Variants in SOX7 observed in about 807,000 individuals in gnomAD.
SOX7 encodes SRY-box transcription factor 7.
A neutral mutation model predicts 24.9 loss-of-function variants in SOX7; 19 were observed. That is an observed-to-expected ratio of 0.76 (90% confidence interval 0.53 to 1.12). The LOEUF is 1.12. Among genes scored for constraint, SOX7 ranks in the 50% most tolerant of loss-of-function variants. SOX7 has a pLI of 0.00. For synonymous variants in SOX7, 327 were observed against 244.5 expected (o/e 1.34, Z -3.15); for missense variants, 702 against 535.0 (o/e 1.31, Z -3.08).
Position 10,726,310 on chromosome 8 carries a change from A to C in SOX7, c.595T>G (p.Tyr199Asp). ...GTPSSVDTYP[Y>D]GLPTPPEMSP... ...ATTTCAGGAGGTGTGGGCAGCCCGTACGGGTACGTGTCCACACTGCTCGGG... is the reference window on the plus strand; with the variant it reads ...ATTTCAGGAGGTGTGGGCAGCCCGTCCGGGTACGTGTCCACACTGCTCGGG... Residue 199 changes from tyrosine (Y) to aspartate (D), a missense_variant, in exon 2 of 2, where the codon TAC becomes GAC. Tyr to Asp is a radical substitution (Grantham distance 160). Coordinates refer to ENST00000304501, the MANE Select transcript of SOX7 (RefSeq NM_031439.4). 1 of 1,613,652 alleles carries C rather than the reference A, an allele frequency of 6.2e-7. No homozygotes were observed. The highest frequency in any genetic ancestry group is 8.5e-7 in the Non-Finnish European group (1 of 1,179,932).
At position 10,726,223 on chromosome 8, in the gene SOX7, GCTC is replaced by G; in HGVS notation, c.679_681del (p.Glu227del). 6.2e-7 allele frequency: 1 copy of G among 1,613,030 alleles called. No individual in the cohort carries two copies. Among genetic ancestry groups the G allele is most frequent in the Non-Finnish European group, 8.5e-7 (1 of 1,179,422 alleles). ...TGGGGGATGCGGCGGGGATGGCCAT[GCTC>G]CTCCTGGCAGGGGGAGGAGAAGAAG... On this transcript the variant is annotated inframe_deletion, in exon 2 of 2. Coordinates refer to ENST00000304501, the MANE Select transcript of SOX7 (RefSeq NM_031439.4).
In SOX7 at chr8:10,725,502, T is replaced by TCA. The variant is rs1361830981; in HGVS notation, c.*234_*235dup. 7 of 565,554 alleles carry TCA rather than the reference T, an allele frequency of 1.2e-5. No homozygotes were observed. The highest frequency in any genetic ancestry group is 1.9e-5 in the African/African-American group (1 of 53,042). 35.0% of individuals were successfully genotyped at this position (565,554 alleles called of 1,614,324 possible). A position where few individuals can be genotyped will look rare whatever the true frequency, so the allele number is the denominator to read the frequency against. ...CAACTCTCAGGGGCTGGAGGAAAAC[T>TCA]CACTTGAAGGAATATACTTAAAATG... On this transcript the variant is annotated 3_prime_UTR_variant, in exon 2 of 2. Coordinates refer to ENST00000304501, the MANE Select transcript of SOX7 (RefSeq NM_031439.4).
intron 1 of SOX7, among the ~76,000 whole-genome samples, chr8:10,727,569 A>G (rs1008908010): frequency 1.3e-5 from 2 of 152,230 alleles, no homozygotes; most frequent in African/African-American, 4.8e-5. Context: ...TGGTGCTAAT[A>G]TGCTGGCTGC....
At position 10,726,540 on chromosome 8, in the gene SOX7, G is replaced by A; in HGVS notation, c.365C>T (p.Ala122Val). ...YKYRPRRKKQ[A>V]KRLCKRVDPG... ...GTCCACGCGCTTGCACAGCCGCTTG[G>A]CCTGCTTCTTCCTGCGCGGCCGGTA... The change falls in exon 2 of 2, where the codon GCC becomes GTC. Residue 122 changes from alanine (A) to valine (V), a missense_variant. Transcript: ENST00000304501. 6 of 1,612,454 alleles carry A rather than the reference G, an allele frequency of 3.7e-6. No individual in the cohort carries two copies. The highest frequency in any genetic ancestry group is 5.1e-6 in the Non-Finnish European group (6 of 1,179,962).
rs1332969214 is a variant in SOX7, at chr8:10,726,434, C to T, written c.471G>A (p.Gly157=). 4.3e-6 allele frequency: 7 copies of T among 1,612,100 alleles called. No individual in the cohort carries two copies. Among genetic ancestry groups the T allele is most frequent in the Admixed American group, 1.7e-5 (1 of 59,970 alleles). The change falls in exon 2 of 2, where the codon GGG becomes GGA. Residue 157 remains glycine, a synonymous_variant. Coordinates refer to ENST00000304501, the MANE Select transcript of SOX7 (RefSeq NM_031439.4). ...EKRSGSRGAL[G]EKEDRGEYSP... ...AGTACTCACCCCTGTCCTCCTTCTC[C>T]CCCAGCGCCCCCCGGCTGCCGCTTC...
At position 10,726,467 on chromosome 8, in the gene SOX7, C is replaced by T. The variant is rs745814540; in HGVS notation, c.438G>A (p.Pro146=). The T allele has an allele frequency of 7.4e-6, 12 of 1,612,204 alleles. No homozygotes were observed. Among genetic ancestry groups the T allele is most frequent in the South Asian group, 4.4e-5 (4 of 91,072 alleles). ...SSLSRDQNAL[P]EKRSGSRGAL... is the part of the protein sequence containing the mutation. ...CCCCCCGGCTGCCGCTTCTCTTCTCCGGCAGGGCGTTCTGGTCCCGGGAGA... is the reference window on the plus strand; with the variant it reads ...CCCCCCGGCTGCCGCTTCTCTTCTCTGGCAGGGCGTTCTGGTCCCGGGAGA... Residue 146 remains proline (P), a synonymous_variant, in exon 2 of 2, where the codon CCG becomes CCA. Coordinates refer to ENST00000304501, the MANE Select transcript of SOX7 (RefSeq NM_031439.4).
rs960786581 is a variant in SOX7 at position 10,724,274 on chromosome 8, C to G, written c.*1464G>C. On this transcript the variant is annotated 3_prime_UTR_variant, in exon 2 of 2. Coordinates refer to ENST00000304501, the MANE Select transcript of SOX7 (RefSeq NM_031439.4). Reference sequence around the variant, plus strand: ...GGAATCACAGTGAGTTTCTGATTTGCGGGAAGTTGCTCTAAAGCACTGGCT... The same window carrying G: ...GGAATCACAGTGAGTTTCTGATTTGGGGGAAGTTGCTCTAAAGCACTGGCT... 1 of 152,084 alleles carries G rather than the reference C, an allele frequency of 6.6e-6. No individual in the cohort carries two copies. The highest frequency in any genetic ancestry group is 1.5e-5 in the Non-Finnish European group (1 of 68,022). The allele number at this position is 152,084 out of a possible 1,614,324, so 9.4% of individuals were successfully genotyped here. A position where few individuals can be genotyped will look rare whatever the true frequency, so the allele number is the denominator to read the frequency against.
Position 10,724,243 on chromosome 8 carries a change from A to G in SOX7, c.*1495T>C, listed in dbSNP as rs1800098974. 6.6e-6 allele frequency: 1 copy of G among 152,190 alleles called. No individual in the cohort carries two copies. 9.4% of individuals were successfully genotyped at this position (152,190 alleles called of 1,614,324 possible). On this transcript the variant is annotated 3_prime_UTR_variant, in exon 2 of 2. Coordinates refer to ENST00000304501, the MANE Select transcript of SOX7 (RefSeq NM_031439.4). ...GGGCAGGGGTCCAGGGCTCAGAAAC[A>G]TTTTTGGAATCACAGTGAGTTTCTG...
rs1200875739 is a variant in SOX7, at chr8:10,725,294, C to G, written c.*444G>C. 1 of 183,802 alleles carries G rather than the reference C, an allele frequency of 5.4e-6. No individual in the cohort carries two copies. Among genetic ancestry groups the G allele is most frequent in the Non-Finnish European group, 1.1e-5 (1 of 87,232 alleles). 11.4% of individuals were successfully genotyped at this position (183,802 alleles called of 1,614,324 possible). The stretch of plus-strand genomic sequence containing the variant: ...TGGGCTGTGCACACAAAATTATCAC[C>G]AGATCGTAGGTTAGCGAGCTCATTA... On this transcript the variant is annotated 3_prime_UTR_variant, in exon 2 of 2. Coordinates refer to ENST00000304501, the MANE Select transcript of SOX7 (RefSeq NM_031439.4).
Position 10,726,068 on chromosome 8 carries a change from T to C in SOX7, c.837A>G (p.Pro279=), listed in dbSNP as rs1279183130. The part of the protein sequence containing the change: ...SMMSPVPGCP[P]SPAYYSPATY... ...TGGCCGGGGAGTAATAGGCAGGAGA[T>C]GGGGGACAGCCGGGTACAGGGGACA... is the stretch of plus-strand genomic sequence containing the variant. Residue 279 remains proline (P), a synonymous_variant, in exon 2 of 2, where the codon CCA becomes CCG. Coordinates refer to ENST00000304501, the MANE Select transcript of SOX7 (RefSeq NM_031439.4). 7 of 1,561,956 alleles carry C rather than the reference T, an allele frequency of 4.5e-6. No homozygotes were observed. The East Asian group carries it at 6.8e-5, about 15-fold the overall frequency.
intron 1 of SOX7, 70 bp from the exon 2 acceptor site, chr8:10,726,736 GCACA>G: frequency 1.4e-5 from 20 of 1,379,826 alleles, no homozygotes; most frequent in Non-Finnish European, 1.9e-5. Context: ...GCACACGCGT[GCACA>G]CACACGTGCA....
In SOX7 at chr8:10,726,670, C is replaced by A. The variant is rs756817133; in HGVS notation, c.239-4G>T. Reference sequence around the variant, plus strand: ...GTCAGCGCCTTCCACGACTTTCCTGCTCACACAAGGCAGAGGAGGCCATGC... The same window carrying A: ...GTCAGCGCCTTCCACGACTTTCCTGATCACACAAGGCAGAGGAGGCCATGC... On this transcript the variant is annotated splice_region_variant and splice_polypyrimidine_tract_variant and intron_variant, in intron 1 of 1. Transcript: ENST00000304501. 2 of 1,561,360 alleles carry A rather than the reference C, an allele frequency of 1.3e-6. No individual in the cohort carries two copies. Among genetic ancestry groups the A allele is most frequent in the Admixed American group, 1.8e-5 (1 of 56,230 alleles).
chr8:10,726,447 C>G lies in SOX7; in HGVS notation c.458G>C (p.Arg153Pro). Residue 153 changes from arginine (R) to proline (P), a missense_variant, in exon 2 of 2, where the codon CGG becomes CCG. Arg to Pro is a moderately radical substitution (Grantham distance 103, BLOSUM62 -2). Coordinates refer to ENST00000304501, the MANE Select transcript of SOX7 (RefSeq NM_031439.4). ...GTCCTCCTTCTCCCCCAGCGCCCCC[C>G]GGCTGCCGCTTCTCTTCTCCGGCAG... The part of the protein sequence containing the change: ...NALPEKRSGS[R>P]GALGEKEDRG... 1 of 1,612,146 alleles carries G rather than the reference C, an allele frequency of 6.2e-7. No individual in the cohort carries two copies. Among genetic ancestry groups the G allele is most frequent in the South Asian group, 1.1e-5 (1 of 91,034 alleles).
At chr8:10,729,641 T>C (rs1236317033) in intron 1 of SOX7, 2 of 152,228 alleles carry the variant, frequency 1.3e-5, no homozygotes, top group Non-Finnish European at 2.9e-5. Context: ...GTAAGCTTTT[T>C]CTTTTGTTTT....
chr8:10,730,484 G>C lies in SOX7; in HGVS notation c.-51C>G. ...GCCTGGCGGGGCAGGCGCGGACCTG[G>C]CCCTCGCACGGGTCGGGGCGTCCAA... On this transcript the variant is annotated 5_prime_UTR_variant, in exon 1 of 2. Coordinates refer to ENST00000304501, the MANE Select transcript of SOX7 (RefSeq NM_031439.4). The surrounding 1 kb of genome is among the most constrained non-coding windows in gnomAD (Gnocchi z 4.8). 7 of 1,298,020 alleles carry C rather than the reference G, an allele frequency of 5.4e-6. No individual in the cohort carries two copies. The highest frequency in any genetic ancestry group is 7.0e-6 in the Non-Finnish European group (7 of 997,814). 80.4% of individuals were successfully genotyped at this position (1,298,020 alleles called of 1,614,324 possible).
In SOX7 at chr8:10,724,580, C is replaced by T. The variant is rs1226845969; in HGVS notation, c.*1158G>A. 1 of 152,074 alleles carries T rather than the reference C, an allele frequency of 6.6e-6. No homozygotes were observed. Among genetic ancestry groups the T allele is most frequent in the Non-Finnish European group, 1.5e-5 (1 of 68,018 alleles). 9.4% of individuals were successfully genotyped at this position (152,074 alleles called of 1,614,324 possible). ...CAAAGTCCTTTTAGGTACCCTGGGTCTTTGGTCATTAGAAACAGGGAGTTG... is the reference window on the plus strand; with the variant it reads ...CAAAGTCCTTTTAGGTACCCTGGGTTTTTGGTCATTAGAAACAGGGAGTTG... On this transcript the variant is annotated 3_prime_UTR_variant, in exon 2 of 2. Coordinates refer to ENST00000304501, the MANE Select transcript of SOX7 (RefSeq NM_031439.4).
chr8:10,730,168 C>A lies in SOX7; in HGVS notation c.238+28G>T. The A allele has an allele frequency of 6.8e-7, 1 of 1,471,632 alleles. No individual in the cohort carries two copies. Among genetic ancestry groups the A allele is most frequent in the Non-Finnish European group, 9.0e-7 (1 of 1,115,376 alleles). The allele number at this position is 1,471,632 out of a possible 1,614,324, so 91.2% of individuals were successfully genotyped here. ...CCGCCCGCCGCCCGCCCCCGGCCCC[C>A]AGCCCGCTCGGCCGCGCGCTCACTC... is the stretch of plus-strand genomic sequence containing the variant. On this transcript the variant is annotated intron_variant, in intron 1 of 1. Transcript: ENST00000304501. This position sits in a 1 kb window ranked among gnomAD's most constrained non-coding sequence, Gnocchi z 4.8.
rs771533496 is a variant in SOX7 at position 10,726,487 on chromosome 8, G to T, written c.418C>A (p.Arg140=). 8 of 1,612,234 alleles carry T rather than the reference G, an allele frequency of 5.0e-6. No individual in the cohort carries two copies. In the Middle Eastern group the frequency reaches 4.9e-4, roughly 100 times the overall value. The change falls in exon 2 of 2, where the codon CGG becomes AGG. Residue 140 remains arginine, a synonymous_variant. Transcript: ENST00000304501. ...TTCTCCGGCAGGGCGTTCTGGTCCCGGGAGAGGGAGCTCAGAAGGAAGCCC... is the reference window on the plus strand; with the variant it reads ...TTCTCCGGCAGGGCGTTCTGGTCCCTGGAGAGGGAGCTCAGAAGGAAGCCC... ...DPGFLLSSLS[R]DQNALPEKRS... is the part of the protein sequence containing the mutation.
In SOX7 at chr8:10,724,578, G is replaced by A. The variant is rs1291383054; in HGVS notation, c.*1160C>T. 6.6e-6 allele frequency: 1 copy of A among 152,254 alleles called. No individual in the cohort carries two copies. The highest frequency in any genetic ancestry group is 2.4e-5 in the African/African-American group (1 of 41,552). 9.4% of individuals were successfully genotyped at this position (152,254 alleles called of 1,614,324 possible). ...TGCAAAGTCCTTTTAGGTACCCTGG[G>A]TCTTTGGTCATTAGAAACAGGGAGT... On this transcript the variant is annotated 3_prime_UTR_variant, in exon 2 of 2. Transcript: ENST00000304501.
Sources: gnomAD v4.1 joint callset for allele counts (sites outside exome capture counted in the v4.1 genomes callset) on GRCh38, gnomAD v4.1.1 for gene constraint, Gnocchi (gnomAD v3.1) non-coding constraint, MANE v1.5 for transcripts, NCBI Gene and HGNC (gene_info 2026-07-23, HGNC 2026-07-21) for gene names.